TFG: variants seen among roughly 807,000 people sequenced by gnomAD.
TFG encodes the protein trafficking from ER to golgi regulator, also known as protein TFG.
TFG carries 22 observed loss-of-function variants against 51.4 expected under a neutral mutation model. That is an observed-to-expected ratio of 0.43 (90% CI 0.31 to 0.61). The LOEUF (loss-of-function observed/expected upper bound fraction) is 0.61, where lower values mean the gene tolerates loss of function less well. Ranked by LOEUF, TFG falls within the 20% of genes least tolerant of loss-of-function variation. TFG has a pLI of 0.12. For synonymous variants in TFG, 187 were observed against 165.6 expected, an observed-to-expected ratio of 1.13 and a Z score of -0.99; for missense variants, 419 against 487.7, an observed-to-expected ratio of 0.86 and a Z score of 1.33.
chr3:100,736,948 G>A (rs573306366), intron 6 of TFG, among the ~76,000 whole-genome samples: 2 of 152,286 alleles, frequency 1.3e-5, no homozygotes, highest in Admixed American at 6.5e-5. Flanking sequence ...TATAGATACA[G>A]AGTGAAAGAC....
At chr3:100,745,025 A>C in intron 7 of TFG, 94 bp downstream of exon 7, 1 of 587,356 alleles carries the variant, frequency 1.7e-6, no homozygotes. Flanking sequence ...TAGTACATTG[A>C]TATAATAGGT....
chr3:100,743,323 A>G (rs2095126512), intron 6 of TFG: 1 of 152,142 alleles, frequency 6.6e-6, no homozygotes, highest in Non-Finnish European at 1.5e-5. Flanking sequence ...GTTATGTGCT[A>G]TACGTATTTA....
chr3:100,729,076 A>G (rs2095084201), intron 4 of TFG, among the ~76,000 whole-genome samples: 1 of 152,190 alleles, frequency 6.6e-6, no homozygotes, highest in Middle Eastern at 3.4e-3. Context: ...CTCATCATAG[A>G]CCTACTGGAG....
rs764906439 is a variant in TFG, at chr3:100,748,498, G to A, written c.1170G>A (p.Gln390=). 7.4e-6 allele frequency: 12 copies of A among 1,613,460 alleles called. No individual in the cohort carries two copies. The South Asian group carries it at 1.3e-4, about 18-fold the overall frequency. The change falls in exon 8 of 8, where the codon CAG becomes CAA. Residue 390 remains glutamine (Q), a synonymous_variant. Coordinates refer to ENST00000240851, the MANE Select transcript of TFG (RefSeq NM_006070.6). ...CGCGTAACCGTCCTCCCTTTGGTCA[G>A]GGCTATACCCAACCTGGACCTGGTT... is the stretch of plus-strand genomic sequence containing the variant. The part of the protein sequence containing the change: ...PYARNRPPFG[Q]GYTQPGPGYR
chr3:100,734,324 C>T (rs1576370936), intron 5 of TFG, among the ~76,000 whole-genome samples: 1 of 152,082 alleles, frequency 6.6e-6, no homozygotes, highest in African/African-American at 2.4e-5. Context: ...TTCTCTGAGC[C>T]TTCTTGAGAT....
intron 6 of TFG, chr3:100,744,609 T>A (rs1276956249): frequency 5.5e-6 from 2 of 365,302 alleles, no homozygotes; most frequent in Non-Finnish European, 9.9e-6. Context: ...TTGCACTTAA[T>A]GTTTATTGCC....
At chr3:100,717,035 C>A (rs1459278923) in intron 2 of TFG, among the ~76,000 whole-genome samples, 1 of 152,082 alleles carries the variant, frequency 6.6e-6, no homozygotes, top group Admixed American at 6.5e-5. Flanking sequence ...GAAAAGTTTT[C>A]CAGTTTGAGA....
intron 6 of TFG, among the ~76,000 whole-genome samples, chr3:100,740,039 G>A (rs982104765): frequency 1.3e-5 from 2 of 152,016 alleles, no homozygotes; most frequent in Admixed American, 6.6e-5. Context: ...TTCAAATGAG[G>A]GGCCTAACAA....
chr3:100,711,500 A>C (rs1330889779), intron 1 of TFG, among the ~76,000 whole-genome samples: 1 of 152,234 alleles, frequency 6.6e-6, no homozygotes, highest in African/African-American at 2.4e-5. Context: ...TTTCTTAATT[A>C]GGAGTGTGTC....
chr3:100,715,008 T>G (rs2095041736), intron 2 of TFG, among the ~76,000 whole-genome samples: 1 of 152,230 alleles, frequency 6.6e-6, no homozygotes, highest in African/African-American at 2.4e-5. Flanking sequence ...ACTGTGGAAC[T>G]TACTTGCAGT....
intron 3 of TFG, among the ~76,000 whole-genome samples, chr3:100,724,440 C>T (rs1437305449): frequency 6.6e-6 from 1 of 152,060 alleles, no homozygotes; most frequent in African/African-American, 2.4e-5. Context: ...GGACAGTATC[C>T]TAGGTAAATT....
chr3:100,709,467 ATT>A, upstream of TFG: 3 of 147,968 alleles, frequency 2.0e-5, no homozygotes, highest in Non-Finnish European at 4.5e-5. Flanking sequence ...GCGAAAGGAC[ATT>A]TTTTTTTTTC....
chr3:100,715,419 A>G (rs954868477), intron 2 of TFG, among the ~76,000 whole-genome samples: 1 of 152,232 alleles, frequency 6.6e-6, no homozygotes, highest in African/African-American at 2.4e-5. Flanking sequence ...ACCCAGTTAC[A>G]TGGCTTTGCT....
At chr3:100,742,640 A>C (rs2095124332) in intron 6 of TFG, 1 of 152,182 alleles carries the variant, frequency 6.6e-6, no homozygotes, top group Non-Finnish European at 1.5e-5. Context: ...TGTGGGAGGA[A>C]ATTGAAGTGC....
At chr3:100,724,862 A>G (rs566806353) in intron 3 of TFG, among the ~76,000 whole-genome samples, 68 of 152,362 alleles carry the variant, frequency 4.5e-4, no homozygotes, top group African/African-American at 1.6e-3. Flanking sequence ...AAAGCCATTC[A>G]TATCTCAATC....
intron 3 of TFG, 53 bp downstream of exon 3, chr3:100,720,111 G>A: frequency 4.2e-6 from 5 of 1,192,798 alleles, no homozygotes; most frequent in Non-Finnish European, 4.7e-6. Flanking sequence ...GTATTTTAAA[G>A]ATGTTTGGCT....
At chr3:100,739,874 A>C (rs890372128) in intron 6 of TFG, among the ~76,000 whole-genome samples, 7 of 152,272 alleles carry the variant, frequency 4.6e-5, no homozygotes, top group African/African-American at 1.7e-4. Context: ...TTTATTTTTA[A>C]TTGTGACAGG....
Position 100,744,865 on chromosome 3 carries a change from G to T in TFG, c.754G>T (p.Gly252Cys). 1.2e-6 allele frequency: 2 copies of T among 1,613,376 alleles called. No homozygotes were observed. ...QMYQQYQQQA[G>C]YGAQQPQAPP... ...GTACCAACAGTACCAGCAACAGGCCGGCTATGGTGCACAGCAGCCGCAGGC... is the reference window on the plus strand; with the variant it reads ...GTACCAACAGTACCAGCAACAGGCCTGCTATGGTGCACAGCAGCCGCAGGC... Residue 252 changes from glycine (G) to cysteine (C), a missense_variant, in exon 7 of 8, where the codon GGC becomes TGC. By Grantham distance (159) the Gly-to-Cys change is radical. Coordinates refer to ENST00000240851, the MANE Select transcript of TFG (RefSeq NM_006070.6).
chr3:100,734,989 A>G (rs988469433), intron 5 of TFG, among the ~76,000 whole-genome samples: 3 of 152,176 alleles, frequency 2.0e-5, no homozygotes, highest in Non-Finnish European at 4.4e-5. Flanking sequence ...GGAAGGAGGG[A>G]TAAAATATTA....
Sources: gnomAD v4.1 joint callset for allele counts (sites outside exome capture counted in the v4.1 genomes callset) on GRCh38, gnomAD v4.1.1 for gene constraint, MANE v1.5 for transcripts, NCBI Gene and HGNC (gene_info 2026-07-23, HGNC 2026-07-21) for gene names.